Variants in ATP11A observed in about 807,000 individuals in gnomAD.
The protein encoded by ATP11A is ATPase phospholipid transporting 11A, also known as phospholipid-transporting ATPase IH.
A neutral mutation model predicts 154.4 loss-of-function variants in ATP11A; 81 were observed. That is an observed-to-expected ratio of 0.52 (90% CI 0.44 to 0.63). The LOEUF (loss-of-function observed/expected upper bound fraction) is 0.63. Among genes scored for constraint, ATP11A ranks in the 30% least tolerant of loss-of-function variants. ATP11A has a pLI of 0.00. For missense variants in ATP11A, 1,316 were observed against 1,474.3 expected, an observed-to-expected ratio of 0.89 and a Z score of 1.76; for synonymous variants, 623 against 585.9, an observed-to-expected ratio of 1.06 and a Z score of -0.91.
chr13:112,724,536 A>G (rs1049681685), intron 1 of ATP11A, among the ~76,000 whole-genome samples: 1 of 152,042 alleles, frequency 6.6e-6, no homozygotes, highest in Non-Finnish European at 1.5e-5. Flanking sequence ...GGATTCGTGC[A>G]TCCAGAGTTT....
Position 112,873,631 on chromosome 13 carries a change from T to A in ATP11A, c.3116T>A (p.Leu1039Gln), listed in dbSNP as rs766743362. Residue 1039 changes from leucine (L) to glutamine (Q), a missense_variant, in exon 27 of 30, where the codon CTG becomes CAG. By Grantham distance (113) the Leu-to-Gln change is moderately radical. Transcript: ENST00000375645. ...WINHFVIWGSLLFYVVFSLLW... is the reference protein window; with the variant it reads ...WINHFVIWGSQLFYVVFSLLW... Reference sequence around the variant, plus strand: ...AACCATTTTGTCATCTGGGGGTCGCTGCTGTTCTACGTTGTCTTTTCGCTT... The same window carrying A: ...AACCATTTTGTCATCTGGGGGTCGCAGCTGTTCTACGTTGTCTTTTCGCTT... The A allele has an allele frequency of 1.2e-6, 2 of 1,613,690 alleles. No individual in the cohort carries two copies. The highest frequency in any genetic ancestry group is 2.7e-5 in the African/African-American group (2 of 74,924).
At chr13:112,821,927 T>C (rs2078806879) in intron 8 of ATP11A, among the ~76,000 whole-genome samples, 1 of 152,206 alleles carries the variant, frequency 6.6e-6, no homozygotes, top group African/African-American at 2.4e-5. Context: ...ATATGCAGCC[T>C]GGGAGCTCCA....
In ATP11A at chr13:112,859,326, C is replaced by G. The variant is rs1045341507; in HGVS notation, c.2668-67C>G. On this transcript the variant is annotated intron_variant, in intron 22 of 29. Transcript: ENST00000375645. This position sits in a 1 kb window ranked among gnomAD's most constrained non-coding sequence, Gnocchi z 4.3. ...CCCTCCTCCCATGTGGGGTGGGCCA[C>G]GTCGGTAGGTGGCGGCTGCCTCCCT... is the stretch of plus-strand genomic sequence containing the variant. 7.2e-7 allele frequency: 1 copy of G among 1,380,244 alleles called. No individual in the cohort carries two copies. The allele number at this position is 1,380,244 out of a possible 1,614,324, so 85.5% of individuals were successfully genotyped here. A position where few individuals can be genotyped will look rare whatever the true frequency, so the allele number is the denominator to read the frequency against.
intron 1 of ATP11A, among the ~76,000 whole-genome samples, chr13:112,740,479 T>C (rs2139746155): frequency 6.6e-6 from 1 of 152,290 alleles, no homozygotes; most frequent in African/African-American, 2.4e-5. Flanking sequence ...GGCCCAAATC[T>C]TTCTTAAGTT....
chr13:112,837,530 C>T (rs1055811130), intron 16 of ATP11A, among the ~76,000 whole-genome samples: 1 of 152,192 alleles, frequency 6.6e-6, no homozygotes, highest in African/African-American at 2.4e-5. Flanking sequence ...AATCCTGTGC[C>T]GTTCAGAGCC....
chr13:112,715,597 T>TC (rs1262489831), intron 1 of ATP11A, among the ~76,000 whole-genome samples: 1 of 97,002 alleles, frequency 1.0e-5, no homozygotes, highest in Middle Eastern at 5.0e-3. Context: ...ACCTGGCTGA[T>TC]CCCCCCACCT....
At chr13:112,829,139 G>T (rs1442790338) in intron 12 of ATP11A, among the ~76,000 whole-genome samples, 1 of 152,216 alleles carries the variant, frequency 6.6e-6, no homozygotes, top group Non-Finnish European at 1.5e-5. Flanking sequence ...CCGAGCACGA[G>T]TGCCTTGGAA....
At chr13:112,873,440 G>A in intron 26 of ATP11A, 133 bp from the exon 27 acceptor site, 1 of 626,118 alleles carries the variant, frequency 1.6e-6, no homozygotes, top group South Asian at 2.1e-5. Context: ...TGTTTTGCAG[G>A]CATTGAGTCG....
chr13:112,725,702 G>A (rs1242045040), intron 1 of ATP11A, among the ~76,000 whole-genome samples: 3 of 152,260 alleles, frequency 2.0e-5, no homozygotes, highest in African/African-American at 7.2e-5. Flanking sequence ...AGCTGTGGCT[G>A]CAAAGTCCCC....
At chr13:112,738,550 C>T (rs1025891452) in intron 1 of ATP11A, among the ~76,000 whole-genome samples, 13 of 152,146 alleles carry the variant, frequency 8.5e-5, no homozygotes, top group Admixed American at 5.9e-4. Context: ...AGAGCAGTGC[C>T]GCAGATAAGC....
intron 1 of ATP11A, among the ~76,000 whole-genome samples, chr13:112,702,007 G>A (rs1886604412): frequency 6.6e-6 from 1 of 152,056 alleles, no homozygotes; most frequent in Non-Finnish European, 1.5e-5. Flanking sequence ...GGAGACAGGC[G>A]TTGCTAGTAG....
intron 21 of ATP11A, 98 bp downstream of exon 21, chr13:112,858,018 C>CCG: frequency 6.4e-7 from 1 of 1,560,998 alleles, no homozygotes; most frequent in South Asian, 1.1e-5. Flanking sequence ...CAGGACACCC[C>CCG]CGTCACCACC....
rs896866478 is a variant in ATP11A, at chr13:112,819,247, G to A, written c.571-57G>A. Reference sequence around the variant, plus strand: ...TAATCACTTGGTTGGAGGCACCAGCGTCTGGGTTTGTGTTGACCGTTTTGG... The same window carrying A: ...TAATCACTTGGTTGGAGGCACCAGCATCTGGGTTTGTGTTGACCGTTTTGG... On this transcript the variant is annotated intron_variant, in intron 6 of 29. Coordinates refer to ENST00000375645, the MANE Select transcript of ATP11A (RefSeq NM_015205.3). 12 of 1,483,188 alleles carry A rather than the reference G, an allele frequency of 8.1e-6. No homozygotes were observed. In the Admixed American group the frequency reaches 1.2e-4, roughly 15 times the overall value. The allele number at this position is 1,483,188 out of a possible 1,614,324, so 91.9% of individuals were successfully genotyped here. A position where few individuals can be genotyped will look rare whatever the true frequency, so the allele number is the denominator to read the frequency against.
In ATP11A at chr13:112,805,060, T is replaced by C. The variant is rs1407608136; in HGVS notation, c.252+14T>C. On this transcript the variant is annotated intron_variant, in intron 3 of 29. Coordinates refer to ENST00000375645, the MANE Select transcript of ATP11A (RefSeq NM_015205.3). ...TTTCTGGTGCAGGTAAGGCCGGTCATTGTTTTCCATCTCATCACATATAAA... is the reference window on the plus strand; with the variant it reads ...TTTCTGGTGCAGGTAAGGCCGGTCACTGTTTTCCATCTCATCACATATAAA... The C allele has an allele frequency of 6.4e-7, 1 of 1,568,956 alleles. No homozygotes were observed. The highest frequency in any genetic ancestry group is 8.7e-7 in the Non-Finnish European group (1 of 1,147,240).
chr13:112,742,447 G>A (rs1300711374), intron 1 of ATP11A, among the ~76,000 whole-genome samples: 2 of 152,204 alleles, frequency 1.3e-5, no homozygotes, highest in African/African-American at 4.8e-5. Context: ...GTCACAGGTC[G>A]TGTGTGGGGG....
chr13:112,834,734 G>C, intron 15 of ATP11A, 74 bp downstream of exon 15: 1 of 1,263,536 alleles, frequency 7.9e-7, no homozygotes, highest in Non-Finnish European at 1.1e-6. Context: ...TTCTGCGTTT[G>C]AGGGAAAAGA....
chr13:112,779,322 G>A (rs1186325951), intron 1 of ATP11A, among the ~76,000 whole-genome samples: 9 of 121,448 alleles, frequency 7.4e-5, no homozygotes, highest in South Asian at 5.4e-4. Flanking sequence ...AGGAGTAGCC[G>A]CTGGAGTGAG....
At chr13:112,860,229 TC>T in intron 23 of ATP11A, 57 bp from the exon 24 acceptor site, 1 of 1,565,220 alleles carries the variant, frequency 6.4e-7, no homozygotes, top group East Asian at 2.3e-5. Context: ...AATCAAAAGA[TC>T]CAAAAAGTTT....
At chr13:112,881,417 G>A (rs1594270116) in intron 29 of ATP11A, 6 of 1,040,240 alleles carry the variant, frequency 5.8e-6, no homozygotes, top group South Asian at 3.5e-5. Context: ...CAGTGAGTTC[G>A]CCTTTTGTTC....
Sources: gnomAD v4.1 joint callset for allele counts (sites outside exome capture counted in the v4.1 genomes callset) on GRCh38, gnomAD v4.1.1 for gene constraint, Gnocchi (gnomAD v3.1) non-coding constraint, MANE v1.5 for transcripts, NCBI Gene and HGNC (gene_info 2026-07-23, HGNC 2026-07-21) for gene names.